The following STAT3 variants were observed in gnomAD, a reference collection of about 807,000 sequenced individuals.
STAT3 encodes signal transducer and activator of transcription 3.
STAT3 carries 7 observed loss-of-function variants against 114.3 expected under a neutral mutation model. That is an observed-to-expected ratio of 0.06 (90% CI 0.03 to 0.11). STAT3 has a LOEUF of 0.11. Among genes scored for constraint, STAT3 ranks in the 10% least tolerant of loss-of-function variants. The probability of loss-of-function intolerance (pLI) is 1.00; values close to 1 mark genes in which losing one functional copy is unlikely to be tolerated. For synonymous variants in STAT3, 331 were observed against 354.5 expected (o/e 0.93, Z 0.74); for missense variants, 364 against 960.9 (o/e 0.38, Z 8.21).
chr17:42,319,519 A>G, intron 21 of STAT3, among the ~76,000 whole-genome samples: 2 of 133,174 alleles, frequency 1.5e-5, no homozygotes, highest in South Asian at 2.6e-4. Context: ...TCCAGTCTGG[A>G]CGATAGAGCG....
intron 1 of STAT3, among the ~76,000 whole-genome samples, chr17:42,382,642 CCTTTTTTTTTT>C (rs1398124033): frequency 6.6e-6 from 1 of 151,582 alleles, no homozygotes. Context: ...TTGCGGTAAT[CCTTTTTTTTTT>C]CTTTTTTTTT....
rs1423396633 is a variant in STAT3, at chr17:42,313,340, C to T, written c.*2405G>A. The T allele has an allele frequency of 5.9e-6, 1 of 169,802 alleles. No individual in the cohort carries two copies. Among genetic ancestry groups the T allele is most frequent in the Non-Finnish European group, 1.1e-5 (1 of 87,544 alleles). 10.5% of individuals were successfully genotyped at this position (169,802 alleles called of 1,614,324 possible). On this transcript the variant is annotated 3_prime_UTR_variant, in exon 24 of 24. Coordinates refer to ENST00000264657, the MANE Select transcript of STAT3 (RefSeq NM_139276.3). ...ATGCTATCAGACGGTTCCTATATAA[C>T]GTTTATTTCTGGAAGTTAAAGTAGA...
chr17:42,315,333 C>A lies in STAT3; in HGVS notation c.*412G>T. On this transcript the variant is annotated 3_prime_UTR_variant, in exon 24 of 24. Transcript: ENST00000264657. Reference sequence around the variant, plus strand: ...GTATGTAGCTATAGGTGGCCTGTGGCATTTGCTTACAGAAACAGGCAGAAG... The same window carrying A: ...GTATGTAGCTATAGGTGGCCTGTGGAATTTGCTTACAGAAACAGGCAGAAG... 2 of 406,850 alleles carry A rather than the reference C, an allele frequency of 4.9e-6. No homozygotes were observed. The highest frequency in any genetic ancestry group is 5.2e-5 in the South Asian group (2 of 38,382). The allele number at this position is 406,850 out of a possible 1,614,324, so 25.2% of individuals were successfully genotyped here.
intron 3 of STAT3, 89 bp downstream of exon 3, chr17:42,346,480 C>A (rs2144990541): frequency 6.3e-7 from 1 of 1,581,934 alleles, no homozygotes; most frequent in South Asian, 1.1e-5. Flanking sequence ...GTTACTTAGC[C>A]AAATGAGAAA....
chr17:42,329,365 T>C (rs2081889381), intron 14 of STAT3, 45 bp downstream of exon 14: 1 of 1,606,190 alleles, frequency 6.2e-7, no homozygotes, highest in Non-Finnish European at 8.5e-7. Flanking sequence ...CCTCTCTCCC[T>C]CAAGGAAAAC....
Position 42,313,398 on chromosome 17 carries a change from A to G in STAT3, c.*2347T>C. ...ATATACCAAAAAAAAAAAAAAAAAAAAAAGACAAAAAACCTCACAATAATA... is the reference window on the plus strand; with the variant it reads ...ATATACCAAAAAAAAAAAAAAAAAAGAAAGACAAAAAACCTCACAATAATA... On this transcript the variant is annotated 3_prime_UTR_variant, in exon 24 of 24. Transcript: ENST00000264657. 5.0e-6 allele frequency: 1 copy of G among 201,698 alleles called. No individual in the cohort carries two copies. Among genetic ancestry groups the G allele is most frequent in the Admixed American group, 6.0e-5 (1 of 16,648 alleles). 12.5% of individuals were successfully genotyped at this position (201,698 alleles called of 1,614,324 possible).
chr17:42,359,320 A>C (rs1209214395), intron 1 of STAT3, among the ~76,000 whole-genome samples: 1 of 152,152 alleles, frequency 6.6e-6, no homozygotes, highest in African/African-American at 2.4e-5. Context: ...AAGTGTGATA[A>C]TCACTAATCA....
intron 8 of STAT3, among the ~76,000 whole-genome samples, chr17:42,334,431 C>T (rs1022484065): frequency 7.7e-5 from 11 of 142,960 alleles, no homozygotes; most frequent in Admixed American, 2.2e-4. Context: ...TAAGCCACTG[C>T]GCCTGGCCTT....
At chr17:42,364,108 G>GCA (rs2083654587) in intron 1 of STAT3, among the ~76,000 whole-genome samples, 1 of 151,922 alleles carries the variant, frequency 6.6e-6, no homozygotes, top group Non-Finnish European at 1.5e-5. Flanking sequence ...ATAAACACTT[G>GCA]CACACACACA....
At chr17:42,381,880 T>A (rs1318836287) in intron 1 of STAT3, among the ~76,000 whole-genome samples, 2 of 152,168 alleles carry the variant, frequency 1.3e-5, no homozygotes, top group African/African-American at 4.8e-5. Flanking sequence ...GTCTTTTTTT[T>A]TATAATAGCA....
At chr17:42,359,186 C>T (rs1005082347) in intron 1 of STAT3, among the ~76,000 whole-genome samples, 3 of 152,030 alleles carry the variant, frequency 2.0e-5, no homozygotes, top group African/African-American at 4.8e-5. Flanking sequence ...CTGCCCACCT[C>T]GGCCTCCCAA....
At chr17:42,326,906 G>T (rs1360594318) in intron 14 of STAT3, among the ~76,000 whole-genome samples, 1 of 152,130 alleles carries the variant, frequency 6.6e-6, no homozygotes, top group African/African-American at 2.4e-5. Flanking sequence ...GCCAAGGAAA[G>T]TGACATGCCA....
At chr17:42,344,113 T>G (rs1424915739) in intron 4 of STAT3, among the ~76,000 whole-genome samples, 1 of 152,202 alleles carries the variant, frequency 6.6e-6, no homozygotes, top group East Asian at 1.9e-4. Flanking sequence ...TAAATATTCT[T>G]TCTTGTGTTT....
intron 1 of STAT3, among the ~76,000 whole-genome samples, chr17:42,370,565 T>C (rs2084060885): frequency 1.4e-5 from 2 of 147,826 alleles, no homozygotes; most frequent in Admixed American, 6.8e-5. Flanking sequence ...CGCCCAGCCA[T>C]CTTCTCATTT....
intron 1 of STAT3, among the ~76,000 whole-genome samples, chr17:42,360,481 C>T (rs1456487896): frequency 6.6e-6 from 1 of 151,844 alleles, no homozygotes. Flanking sequence ...CTCATCTCTA[C>T]TAAAAATACA....
In STAT3 at chr17:42,337,889, GGGAA is replaced by G; in HGVS notation, c.551-36_551-33del. On this transcript the variant is annotated intron_variant, in intron 6 of 23. Transcript: ENST00000264657. This position sits in a 1 kb window ranked among gnomAD's most constrained non-coding sequence, Gnocchi z 4.0. ...AGGAAGAAAAAACTCCTTGACCTGA[GGGAA>G]TACTCCTTGACCTGAGGGAATACTC... 1.3e-6 allele frequency: 2 copies of G among 1,527,888 alleles called. No homozygotes were observed. The highest frequency in any genetic ancestry group is 1.8e-6 in the Non-Finnish European group (2 of 1,138,832). 94.6% of individuals were successfully genotyped at this position (1,527,888 alleles called of 1,614,324 possible). A position where few individuals can be genotyped will look rare whatever the true frequency, so the allele number is the denominator to read the frequency against.
At position 42,388,367 on chromosome 17, in the gene STAT3, A is replaced by C. The variant is rs2085230831; in HGVS notation, c.-112T>G. On this transcript the variant is annotated 5_prime_UTR_variant, in exon 1 of 24. Transcript: ENST00000264657. ...TCCCTCAGGCCGAAGGGCCTCTCCG[A>C]GCCGAGGGGGAGAGACAGCGCCAAG... 2 of 1,231,504 alleles carry C rather than the reference A, an allele frequency of 1.6e-6. No homozygotes were observed. Among genetic ancestry groups the C allele is most frequent in the African/African-American group, 3.1e-5 (2 of 64,398 alleles). The allele number at this position is 1,231,504 out of a possible 1,614,324, so 76.3% of individuals were successfully genotyped here. A position where few individuals can be genotyped will look rare whatever the true frequency, so the allele number is the denominator to read the frequency against.
intron 1 of STAT3, among the ~76,000 whole-genome samples, chr17:42,367,674 T>C (rs1014548322): frequency 6.6e-6 from 1 of 152,162 alleles, no homozygotes; most frequent in African/African-American, 2.4e-5. Flanking sequence ...CCTGCTGAAT[T>C]CTCCTTTACA....
chr17:42,386,834 T>G (rs1359163473), intron 1 of STAT3: 1 of 152,240 alleles, frequency 6.6e-6, no homozygotes, highest in African/African-American at 2.4e-5. Flanking sequence ...TAAAACATTT[T>G]TTTTTAAATT....
Sources: gnomAD v4.1 joint callset for allele counts (sites outside exome capture counted in the v4.1 genomes callset) on GRCh38, gnomAD v4.1.1 for gene constraint, Gnocchi (gnomAD v3.1) non-coding constraint, MANE v1.5 for transcripts, NCBI Gene and HGNC (gene_info 2026-07-23, HGNC 2026-07-21) for gene names.